PLCL1: variants seen among roughly 807,000 people sequenced by gnomAD.
PLCL1 encodes inactive phospholipase C-like protein 1.
A neutral mutation model predicts 84.4 loss-of-function variants in PLCL1; 41 were observed. The observed-to-expected ratio is 0.49, with a 90% CI of 0.38 to 0.63. PLCL1 has a LOEUF of 0.63. PLCL1 is among the 30% of genes least tolerant of loss of function. The pLI, the probability that PLCL1 is intolerant of heterozygous loss-of-function variation, is 0.00. For missense variants in PLCL1, 1,206 were observed against 1,367.8 expected, an observed-to-expected ratio of 0.88 and a Z score of 1.87; for synonymous variants, 490 against 488.3, an observed-to-expected ratio of 1.00 and a Z score of -0.05.
chr2:198,031,679 T>A (rs74965037), intron 1 of PLCL1, among the ~76,000 whole-genome samples: 5 of 132,404 alleles, frequency 3.8e-5, no homozygotes, highest in East Asian at 2.0e-4. Flanking sequence ...TTTTTTTTTT[T>A]AATCTCTCTT....
At chr2:198,064,488 A>G (rs1350397315) in intron 1 of PLCL1, among the ~76,000 whole-genome samples, 2 of 152,140 alleles carry the variant, frequency 1.3e-5, no homozygotes, top group African/African-American at 4.8e-5. Flanking sequence ...TCTCTATTTG[A>G]TATGCTTGTA....
In PLCL1 at chr2:198,086,175, C is replaced by T. The variant is rs45579644; in HGVS notation, c.2658C>T (p.Ile886=). The part of the protein sequence containing the change: ...RNIGLKTIDD[I]FKIAVHPLRE... ...TCGGTCTTAAAACCATTGATGACAT[C>T]TTTAAAATAGCGGTTCATCCATTAC... The change falls in exon 2 of 6, where the codon ATC becomes ATT. Residue 886 remains isoleucine, a synonymous_variant. Transcript: ENST00000428675. The T allele has an allele frequency of 1.2e-6, 2 of 1,613,816 alleles. No homozygotes were observed. The highest frequency in any genetic ancestry group is 3.3e-5 in the Admixed American group (2 of 60,004).
intron 3 of PLCL1, among the ~76,000 whole-genome samples, chr2:198,093,473 A>AC (rs942278311): frequency 6.6e-5 from 10 of 151,810 alleles, no homozygotes; most frequent in East Asian, 3.9e-4. Context: ...CAGTCTAACC[A>AC]CCCCCCCAAC....
chr2:197,817,736 G>A (rs1361018032), intron 1 of PLCL1, among the ~76,000 whole-genome samples: 1 of 152,112 alleles, frequency 6.6e-6, no homozygotes, highest in East Asian at 1.9e-4. Flanking sequence ...GTTTCTGAAA[G>A]GAGTGAAGAG....
intron 1 of PLCL1, among the ~76,000 whole-genome samples, chr2:198,074,202 G>A (rs1692526583): frequency 6.6e-6 from 1 of 152,240 alleles, no homozygotes; most frequent in South Asian, 2.1e-4. Context: ...CCTGGAAATT[G>A]ACTATTTTTC....
chr2:198,097,475 C>A (rs774412569), intron 3 of PLCL1, among the ~76,000 whole-genome samples: 21 of 152,054 alleles, frequency 1.4e-4, no homozygotes, highest in Non-Finnish European at 2.5e-4. Context: ...GTAAGGTAGT[C>A]AAATTGGCCT....
At chr2:197,851,546 G>A (rs1250101801) in intron 1 of PLCL1, among the ~76,000 whole-genome samples, 1 of 152,218 alleles carries the variant, frequency 6.6e-6, no homozygotes, top group East Asian at 1.9e-4. Context: ...TGCCTGAGCC[G>A]CTATAAGAAG....
intron 1 of PLCL1, among the ~76,000 whole-genome samples, chr2:197,931,474 C>T (rs759251127): frequency 1.5e-4 from 23 of 152,276 alleles, no homozygotes; most frequent in Non-Finnish European, 2.6e-4. Flanking sequence ...TTAAATTATT[C>T]ATTTCTGCAT....
At chr2:197,812,763 C>T (rs977792719) in intron 1 of PLCL1, among the ~76,000 whole-genome samples, 2 of 152,140 alleles carry the variant, frequency 1.3e-5, no homozygotes, top group African/African-American at 4.8e-5. Flanking sequence ...ATTCAGAACA[C>T]CTGCTCTGTG....
chr2:198,113,582 C>T (rs563268643), intron 5 of PLCL1, among the ~76,000 whole-genome samples: 2 of 151,886 alleles, frequency 1.3e-5, no homozygotes, highest in Admixed American at 6.6e-5. Context: ...AAGTATTCCA[C>T]GAGGAAATAC....
Position 197,961,268 on chromosome 2 carries a change from C to A in PLCL1, c.241-122490C>A, listed in dbSNP as rs746844786. Among the ~76,000 whole-genome samples the A allele has an allele frequency of 5.4e-3, 592 of 109,624 alleles. 8 individuals are homozygous for A. Among genetic ancestry groups the A allele is most frequent in the South Asian group, 0.019 (75 of 3,884 alleles). 71.9% of individuals were successfully genotyped at this position (109,624 alleles called of 152,430 possible). ...GAGAGAGAGAGAGAGAGAGAGAGAG[C>A]GAGCATGCATAGGTTTTAATGTCTA... On this transcript the variant is annotated intron_variant, in intron 1 of 5. Transcript: ENST00000428675.
At chr2:197,856,131 C>A (rs962940894) in intron 1 of PLCL1, among the ~76,000 whole-genome samples, 2 of 152,122 alleles carry the variant, frequency 1.3e-5, no homozygotes, top group African/African-American at 4.8e-5. Flanking sequence ...TCTTGCTGTG[C>A]TTTTTATTTT....
At chr2:197,916,834 A>C (rs530264636) in intron 1 of PLCL1, among the ~76,000 whole-genome samples, 2 of 152,350 alleles carry the variant, frequency 1.3e-5, no homozygotes, top group African/African-American at 2.4e-5. Flanking sequence ...AAAAATATAC[A>C]TGATGACAAG....
At chr2:197,826,672 T>G (rs1260185548) in intron 1 of PLCL1, among the ~76,000 whole-genome samples, 1 of 152,154 alleles carries the variant, frequency 6.6e-6, no homozygotes, top group African/African-American at 2.4e-5. Context: ...AAGACTATAT[T>G]TGCAATATAG....
At chr2:197,870,544 G>T (rs1486103352) in intron 1 of PLCL1, among the ~76,000 whole-genome samples, 1 of 152,026 alleles carries the variant, frequency 6.6e-6, no homozygotes, top group Non-Finnish European at 1.5e-5. Flanking sequence ...GGCCTCCTAA[G>T]TATCATTACC....
intron 1 of PLCL1, among the ~76,000 whole-genome samples, chr2:197,829,910 T>A (rs1003726841): frequency 2.3e-4 from 35 of 152,286 alleles, no homozygotes; most frequent in African/African-American, 8.2e-4. Context: ...ACATATGAAA[T>A]CTTGTAATAA....
intron 1 of PLCL1, among the ~76,000 whole-genome samples, chr2:198,052,586 C>T (rs920601791): frequency 1.3e-5 from 2 of 151,292 alleles, no homozygotes; most frequent in African/African-American, 4.9e-5. Flanking sequence ...ATTATTTCAG[C>T]ACCAACCAAT....
intron 1 of PLCL1, among the ~76,000 whole-genome samples, chr2:198,005,683 G>C (rs897531180): frequency 2.0e-5 from 3 of 152,280 alleles, no homozygotes; most frequent in Middle Eastern, 6.8e-3. Flanking sequence ...AGGTGTGGGC[G>C]GTGGTCAGGG....
At chr2:197,827,369 T>A (rs189594209) in intron 1 of PLCL1, among the ~76,000 whole-genome samples, 14 of 152,112 alleles carry the variant, frequency 9.2e-5, no homozygotes, top group Non-Finnish European at 1.3e-4. Flanking sequence ...CATATAAATA[T>A]ATATGTGTAT....
Sources: gnomAD v4.1 joint callset for allele counts (sites outside exome capture counted in the v4.1 genomes callset) on GRCh38, gnomAD v4.1.1 for gene constraint, MANE v1.5 for transcripts, NCBI Gene and HGNC (gene_info 2026-07-23, HGNC 2026-07-21) for gene names.